Variants in LHFPL3 observed in about 807,000 individuals in gnomAD.
LHFPL3 encodes the protein LHFPL tetraspan subfamily member 3, also known as LHFPL tetraspan subfamily member 3 protein.
LHFPL3 carries 5 observed loss-of-function variants against 19.3 expected under a neutral mutation model. That is an observed-to-expected ratio of 0.26 (90% CI 0.14 to 0.54). The LOEUF is 0.54. Ranked by LOEUF, LHFPL3 falls within the 20% of genes least tolerant of loss-of-function variation. The pLI is 0.94. For missense variants in LHFPL3, 249 were observed against 307.4 expected (o/e 0.81, Z 1.42); for synonymous variants, 133 against 126.2 (o/e 1.05, Z -0.36).
At chr7:104,661,359 C>T (rs764171327) in intron 1 of LHFPL3, among the ~76,000 whole-genome samples, 1 of 152,132 alleles carries the variant, frequency 6.6e-6, no homozygotes, top group Non-Finnish European at 1.5e-5. Context: ...ACATCCAGGG[C>T]AGTATTACTA....
chr7:104,418,820 G>A (rs1177829158), intron 1 of LHFPL3, among the ~76,000 whole-genome samples: 1 of 152,180 alleles, frequency 6.6e-6, no homozygotes, highest in Non-Finnish European at 1.5e-5. Flanking sequence ...GATACAGAAT[G>A]AGAAATACTC....
chr7:104,399,004 A>G lies in LHFPL3; in HGVS notation c.445+69780A>G, dbSNP rs28537108. ...TGTTGGTGTTGATATCCCTAGTGCTATGCTTAACAGTTGTCAGTTCCCTTT... is the reference window on the plus strand; with the variant it reads ...TGTTGGTGTTGATATCCCTAGTGCTGTGCTTAACAGTTGTCAGTTCCCTTT... On this transcript the variant is annotated intron_variant, in intron 1 of 2. Coordinates refer to ENST00000424859, the MANE Select transcript of LHFPL3 (RefSeq NM_199000.3). The surrounding 1 kb of genome is among the most constrained non-coding windows in gnomAD (Gnocchi z 4.4). Among the ~76,000 whole-genome samples the G allele has an allele frequency of 0.023, 3,491 of 152,248 alleles. 134 individuals are homozygous for G. The highest frequency in any genetic ancestry group is 0.079 in the African/African-American group (3,276 of 41,534).
chr7:104,619,262 A>G (rs550500269), intron 1 of LHFPL3, among the ~76,000 whole-genome samples: 1 of 152,254 alleles, frequency 6.6e-6, no homozygotes, highest in Admixed American at 6.5e-5. Context: ...TACTATTTTG[A>G]GGCCACAGTA....
intron 1 of LHFPL3, among the ~76,000 whole-genome samples, chr7:104,646,174 C>T (rs1343479057): frequency 2.0e-5 from 3 of 152,194 alleles, no homozygotes; most frequent in African/African-American, 7.2e-5. Context: ...GGTAATAACA[C>T]TGATGTGAAG....
intron 1 of LHFPL3, among the ~76,000 whole-genome samples, chr7:104,479,127 G>A (rs1474852674): frequency 6.6e-6 from 1 of 152,214 alleles, no homozygotes; most frequent in African/African-American, 2.4e-5. Flanking sequence ...CCTGCTGGAA[G>A]AAATCTCCAA....
intron 1 of LHFPL3, among the ~76,000 whole-genome samples, chr7:104,667,267 G>A (rs1005297225): frequency 4.2e-5 from 6 of 143,146 alleles, no homozygotes; most frequent in African/African-American, 1.8e-4. Flanking sequence ...GTTTTCTTGG[G>A]GGGGGGAATC....
chr7:104,500,279 G>A (rs148708547), intron 1 of LHFPL3, among the ~76,000 whole-genome samples: 8 of 152,256 alleles, frequency 5.3e-5, no homozygotes, highest in South Asian at 2.1e-4. Context: ...CAATATCTCC[G>A]TGATTCCTTC....
At chr7:104,397,696 A>T (rs1016862054) in intron 1 of LHFPL3, among the ~76,000 whole-genome samples, 1 of 152,164 alleles carries the variant, frequency 6.6e-6, no homozygotes, top group African/African-American at 2.4e-5. Context: ...ACACCTCCTG[A>T]GTATTTATTT....
chr7:104,504,824 A>G (rs907043277), intron 1 of LHFPL3, among the ~76,000 whole-genome samples: 3 of 152,196 alleles, frequency 2.0e-5, no homozygotes, highest in Admixed American at 2.0e-4. Context: ...ACTGTGTTGC[A>G]ATATTATAAA....
intron 2 of LHFPL3, among the ~76,000 whole-genome samples, chr7:104,874,406 T>TTTG (rs1012370512): frequency 7.6e-6 from 1 of 131,736 alleles, no homozygotes. Flanking sequence ...TTTTTTTTTT[T>TTTG]GGGGGGGGGA....
intron 1 of LHFPL3, among the ~76,000 whole-genome samples, chr7:104,688,901 G>T (rs1199622971): frequency 6.6e-6 from 1 of 152,134 alleles, no homozygotes; most frequent in East Asian, 1.9e-4. Context: ...GGTGGAAGGA[G>T]CATAAAAATG....
chr7:104,820,044 A>C (rs1790648255), intron 2 of LHFPL3, among the ~76,000 whole-genome samples: 1 of 152,170 alleles, frequency 6.6e-6, no homozygotes, highest in African/African-American at 2.4e-5. Flanking sequence ...CTCCATGATT[A>C]TATTATTGCA....
Position 104,872,339 on chromosome 7 carries a change from A to T in LHFPL3, c.683-33848A>T, listed in dbSNP as rs986272505. ...GTGACAGAGCAAGACTATGTCTCAA[A>T]CAAAAAAAAAAAAGTAAGACACAGG... On this transcript the variant is annotated intron_variant, in intron 2 of 2. Coordinates refer to ENST00000424859, the MANE Select transcript of LHFPL3 (RefSeq NM_199000.3). Among the ~76,000 whole-genome samples, 3 of 149,738 alleles carry T rather than the reference A, an allele frequency of 2.0e-5. No individual in the cohort carries two copies. In the South Asian group the frequency reaches 6.4e-4, roughly 32 times the overall value.
At chr7:104,813,069 A>G (rs574816733) in intron 2 of LHFPL3, among the ~76,000 whole-genome samples, 38 of 151,824 alleles carry the variant, frequency 2.5e-4, no homozygotes, top group East Asian at 9.7e-4. Context: ...AGCCGAGATC[A>G]TGCCACTGCA....
rs1381225211 is a variant in LHFPL3, at chr7:104,907,083, C to CT, written c.*875dup. 6.6e-6 allele frequency: 1 copy of CT among 152,500 alleles called. No homozygotes were observed. The highest frequency in any genetic ancestry group is 1.5e-5 in the Non-Finnish European group (1 of 67,992). The allele number at this position is 152,500 out of a possible 1,614,324, so 9.4% of individuals were successfully genotyped here. A position where few individuals can be genotyped will look rare whatever the true frequency, so the allele number is the denominator to read the frequency against. On this transcript the variant is annotated 3_prime_UTR_variant, in exon 3 of 3. Transcript: ENST00000424859. Reference sequence around the variant, plus strand: ...ATTATAGGCTACTATCAAATAAACACTTTTTTTCTAATTCTCCCTAGTATA... The same window carrying CT: ...ATTATAGGCTACTATCAAATAAACACTTTTTTTTCTAATTCTCCCTAGTATA...
chr7:104,825,930 C>G (rs983445959), intron 2 of LHFPL3, among the ~76,000 whole-genome samples: 1 of 151,828 alleles, frequency 6.6e-6, no homozygotes, highest in Admixed American at 6.6e-5. Flanking sequence ...TTGCCCATAC[C>G]TATCTTCAAG....
intron 1 of LHFPL3, among the ~76,000 whole-genome samples, chr7:104,647,336 G>A (rs2115922573): frequency 6.6e-6 from 1 of 152,246 alleles, no homozygotes; most frequent in South Asian, 2.1e-4. Flanking sequence ...GGGCAGCTCT[G>A]CACTGGGTAC....
At chr7:104,592,661 G>A (rs1387614889) in intron 1 of LHFPL3, among the ~76,000 whole-genome samples, 2 of 152,188 alleles carry the variant, frequency 1.3e-5, no homozygotes, top group Non-Finnish European at 2.9e-5. Flanking sequence ...GTCTGCAGAA[G>A]TTTCTGCTGC....
At chr7:104,836,984 T>A (rs968874212) in intron 2 of LHFPL3, among the ~76,000 whole-genome samples, 7 of 152,230 alleles carry the variant, frequency 4.6e-5, no homozygotes, top group African/African-American at 1.7e-4. Flanking sequence ...GGATCTTTTC[T>A]AATATTTCAT....
Sources: allele counts gnomAD v4.1 joint callset (sites outside exome capture counted in the v4.1 genomes callset), GRCh38; gene constraint gnomAD v4.1.1; non-coding constraint Gnocchi (gnomAD v3.1); transcripts MANE v1.5; gene names NCBI Gene and HGNC (gene_info 2026-07-23, HGNC 2026-07-21).